The following CCDC126 variants were observed in gnomAD, a reference collection of about 807,000 sequenced individuals.
The protein encoded by CCDC126 is coiled-coil domain containing 126, also known as coiled-coil domain-containing protein 126.
CCDC126 carries 5 observed loss-of-function variants against 11.7 expected under a neutral mutation model. That is an observed-to-expected ratio of 0.43 (90% CI 0.22 to 0.90). CCDC126 has a LOEUF of 0.90. Among genes scored for constraint, CCDC126 ranks in the 40% least tolerant of loss-of-function variants. The pLI, the probability that CCDC126 is intolerant of heterozygous loss-of-function variation, is 0.27. For synonymous variants in CCDC126, 60 were observed against 61.9 expected (o/e 0.97, Z 0.14); for missense variants, 150 against 163.1 (o/e 0.92, Z 0.44).
At chr7:23,607,406 A>G in intron 2 of CCDC126, among the ~76,000 whole-genome samples, 1 of 152,210 alleles carries the variant, frequency 6.6e-6, no homozygotes, top group Non-Finnish European at 1.5e-5. Context: ...GGAGGTTCAA[A>G]GTGCAAGTTC....
intron 3 of CCDC126, among the ~76,000 whole-genome samples, chr7:23,636,435 C>T (rs1408885891): frequency 6.6e-6 from 1 of 150,746 alleles, no homozygotes; most frequent in Non-Finnish European, 1.5e-5. Context: ...TTCGCCGCCG[C>T]CATCCCATCT....
At chr7:23,604,040 A>G (rs1000620706) in intron 2 of CCDC126, 2 of 152,228 alleles carry the variant, frequency 1.3e-5, no homozygotes, top group Non-Finnish European at 2.9e-5. Flanking sequence ...AAATCATTCT[A>G]TCCGAGGTAA....
At chr7:23,631,910 A>G (rs886781731) in intron 3 of CCDC126, among the ~76,000 whole-genome samples, 12 of 152,212 alleles carry the variant, frequency 7.9e-5, no homozygotes, top group Admixed American at 3.3e-4. Flanking sequence ...AGAAAATAGA[A>G]GGGGAAGGAG....
chr7:23,628,236 CT>C (rs141273963), intron 3 of CCDC126, among the ~76,000 whole-genome samples: 1,726 of 152,208 alleles, frequency 0.011, 37 homozygotes, highest in African/African-American at 0.038. Flanking sequence ...AACCAAAAGC[CT>C]TGGACATTTT....
chr7:23,639,321 A>G (rs1225181646), intron 3 of CCDC126, among the ~76,000 whole-genome samples: 9 of 151,626 alleles, frequency 5.9e-5, no homozygotes, highest in Admixed American at 3.9e-4. Context: ...CCTCCCGAGT[A>G]GCTGGGACTA....
chr7:23,639,412 C>T (rs1000721833), intron 3 of CCDC126, among the ~76,000 whole-genome samples: 1 of 152,104 alleles, frequency 6.6e-6, no homozygotes, highest in Non-Finnish European at 1.5e-5. Context: ...CCATGGTGGC[C>T]AGGCTGGTCT....
intron 2 of CCDC126, among the ~76,000 whole-genome samples, chr7:23,610,499 C>T (rs992359564): frequency 1.3e-5 from 2 of 152,148 alleles, no homozygotes; most frequent in South Asian, 2.1e-4. Context: ...CAAGTGTAAG[C>T]CACTGCCCCT....
At chr7:23,637,859 C>T (rs564573016) in intron 3 of CCDC126, among the ~76,000 whole-genome samples, 51 of 113,504 alleles carry the variant, frequency 4.5e-4, no homozygotes, top group Non-Finnish European at 8.5e-4. Context: ...GCCCCCCGCC[C>T]GGCCGGCCGC....
intron 3 of CCDC126, among the ~76,000 whole-genome samples, chr7:23,637,888 G>A (rs1584219437): frequency 8.5e-6 from 1 of 117,584 alleles, no homozygotes; most frequent in East Asian, 2.9e-4. Flanking sequence ...GGAGGTGAGG[G>A]GCGCCTCTGC....
rs965685513 is a variant in CCDC126 at position 23,597,413 on chromosome 7, A to G, written c.-423A>G. The stretch of plus-strand genomic sequence containing the variant: ...GAGCGGAAGCCGAGTGCGAGGGACG[A>G]GCGGAGTAAAATCTCCACAAGCTGG... On this transcript the variant is annotated 5_prime_UTR_variant, in exon 1 of 4. Coordinates refer to ENST00000307471, the MANE Select transcript of CCDC126 (RefSeq NM_138771.4). 2 of 152,742 alleles carry G rather than the reference A, an allele frequency of 1.3e-5. No homozygotes were observed. The highest frequency in any genetic ancestry group is 4.8e-5 in the African/African-American group (2 of 41,470). 9.5% of individuals were successfully genotyped at this position (152,742 alleles called of 1,614,324 possible). A position where few individuals can be genotyped will look rare whatever the true frequency, so the allele number is the denominator to read the frequency against.
rs1200879880 is a variant in CCDC126, at chr7:23,598,011, C to T, written c.-186C>T. On this transcript the variant is annotated 5_prime_UTR_variant, in exon 2 of 4. Transcript: ENST00000307471. The stretch of plus-strand genomic sequence containing the variant: ...GGGAGAGAGAGAAAGTCAGATGCCC[C>T]TTTTAAACTCCCTCTTCAAAACTCA... 1 of 152,294 alleles carries T rather than the reference C, an allele frequency of 6.6e-6. No homozygotes were observed. Among genetic ancestry groups the T allele is most frequent in the Non-Finnish European group, 1.5e-5 (1 of 68,100 alleles). 9.4% of individuals were successfully genotyped at this position (152,294 alleles called of 1,614,324 possible).
intron 2 of CCDC126, among the ~76,000 whole-genome samples, chr7:23,609,101 C>T (rs1389552630): frequency 2.0e-5 from 3 of 152,016 alleles, no homozygotes; most frequent in Non-Finnish European, 4.4e-5. Context: ...TTCAGTTTGA[C>T]AATAATGGTA....
chr7:23,616,985 C>T (rs79175142), intron 3 of CCDC126, among the ~76,000 whole-genome samples: 4,539 of 152,040 alleles, frequency 0.03, 90 homozygotes, highest in Middle Eastern at 0.061. Context: ...TTTTTTGAGA[C>T]GATTTCCTTA....
At chr7:23,623,931 T>C (rs1350727237) in intron 3 of CCDC126, among the ~76,000 whole-genome samples, 1 of 152,220 alleles carries the variant, frequency 6.6e-6, no homozygotes. Context: ...CCTGCACATA[T>C]ATCCCAGAAC....
chr7:23,619,514 C>T lies in CCDC126; in HGVS notation c.238+7961C>T, dbSNP rs930546645. On this transcript the variant is annotated intron_variant, in intron 3 of 3. Transcript: ENST00000307471. Reference sequence around the variant, plus strand: ...TCCTGCCTATTTTTCCAATGTAATGCACAGCTGGGCCCACCTTACTACATC... The same window carrying T: ...TCCTGCCTATTTTTCCAATGTAATGTACAGCTGGGCCCACCTTACTACATC... 3 of 341,800 alleles carry T rather than the reference C, an allele frequency of 8.8e-6. No individual in the cohort carries two copies. The Admixed American group carries it at 1.0e-4, about 12-fold the overall frequency. The allele number at this position is 341,800 out of a possible 1,614,324, so 21.2% of individuals were successfully genotyped here.
At chr7:23,613,872 G>C (rs570592549) in intron 3 of CCDC126, among the ~76,000 whole-genome samples, 2 of 152,310 alleles carry the variant, frequency 1.3e-5, no homozygotes, top group South Asian at 2.1e-4. Context: ...TCTCTTAAGT[G>C]TGCAGTAGCA....
At chr7:23,597,706 C>G (rs1378404382) in intron 1 of CCDC126, 101 bp downstream of exon 1, 2 of 152,656 alleles carry the variant, frequency 1.3e-5, no homozygotes, top group East Asian at 3.9e-4. Context: ...GTCCCCGGTC[C>G]CCGCCCCGCT....
chr7:23,640,702 A>G (rs975268790), intron 3 of CCDC126, among the ~76,000 whole-genome samples: 9 of 152,084 alleles, frequency 5.9e-5, no homozygotes, highest in African/African-American at 9.7e-5. Flanking sequence ...ACATATGCCT[A>G]TTCTACATAT....
At chr7:23,625,434 G>T (rs551904715) in intron 3 of CCDC126, among the ~76,000 whole-genome samples, 3 of 152,140 alleles carry the variant, frequency 2.0e-5, no homozygotes, top group Non-Finnish European at 4.4e-5. Context: ...CCGTCAGTGG[G>T]AAGGTGACCA....
Sources: allele counts gnomAD v4.1 joint callset (sites outside exome capture counted in the v4.1 genomes callset), GRCh38; gene constraint gnomAD v4.1.1; transcripts MANE v1.5; gene names NCBI Gene and HGNC (gene_info 2026-07-23, HGNC 2026-07-21).